Variants in ZC3H8 observed in about 807,000 individuals in gnomAD.
ZC3H8 encodes the protein zinc finger CCCH domain-containing protein 8.
ZC3H8 carries 27 observed loss-of-function variants against 42.5 expected under a neutral mutation model. The observed-to-expected ratio is 0.64, with a 90% CI of 0.47 to 0.88. The LOEUF (loss-of-function observed/expected upper bound fraction) is 0.88, where lower values mean the gene tolerates loss of function less well. Among genes scored for constraint, ZC3H8 ranks in the 40% least tolerant of loss-of-function variants. The pLI, the probability that ZC3H8 is intolerant of heterozygous loss-of-function variation, is 0.00. For synonymous variants in ZC3H8, 101 were observed against 110.1 expected (o/e 0.92, Z 0.52); for missense variants, 277 against 336.1 (o/e 0.82, Z 1.37).
chr2:112,224,459 G>A (rs1684730133), intron 8 of ZC3H8, among the ~76,000 whole-genome samples: 1 of 152,158 alleles, frequency 6.6e-6, no homozygotes, highest in Non-Finnish European at 1.5e-5. Flanking sequence ...TGTATTCAGT[G>A]GGGAAAATAT....
intron 2 of ZC3H8, among the ~76,000 whole-genome samples, chr2:112,241,969 A>C (rs1685602022): frequency 6.6e-6 from 1 of 152,168 alleles, no homozygotes; most frequent in South Asian, 2.1e-4. Flanking sequence ...GTGGACTGAG[A>C]ATTGTTACAC....
At chr2:112,227,181 C>T (rs1011865983) in intron 8 of ZC3H8, among the ~76,000 whole-genome samples, 16 of 152,214 alleles carry the variant, frequency 1.1e-4, no homozygotes, top group Non-Finnish European at 1.8e-4. Context: ...TAGAAGGTTT[C>T]AGCCAGTGAA....
At position 112,255,035 on chromosome 2, in the gene ZC3H8, G is replaced by GAA; in HGVS notation, c.-55_-54insTT. 6.5e-7 allele frequency: 1 copy of GAA among 1,540,498 alleles called. No individual in the cohort carries two copies. Among genetic ancestry groups the GAA allele is most frequent in the Admixed American group, 2.0e-5 (1 of 50,434 alleles). On this transcript the variant is annotated 5_prime_UTR_variant, in exon 1 of 9. Coordinates refer to ENST00000409573, the MANE Select transcript of ZC3H8 (RefSeq NM_032494.3). Reference sequence around the variant, plus strand: ...CCGGGAAGCTACAGAGTAACAACCCGAGAGAGTGACAACCCGGACGCGACG... The same window carrying GAA: ...CCGGGAAGCTACAGAGTAACAACCCGAAAGAGAGTGACAACCCGGACGCGACG...
chr2:112,253,698 T>C (rs1686032696), intron 1 of ZC3H8, among the ~76,000 whole-genome samples: 1 of 152,266 alleles, frequency 6.6e-6, no homozygotes, highest in South Asian at 2.1e-4. Flanking sequence ...TTTTGGGGAA[T>C]GGAGCTTGTG....
At chr2:112,233,905 G>A (rs1428080776) in intron 5 of ZC3H8, among the ~76,000 whole-genome samples, 2 of 152,016 alleles carry the variant, frequency 1.3e-5, no homozygotes, top group African/African-American at 4.8e-5. Flanking sequence ...AAAATTATCT[G>A]ACTCAGGTGA....
intron 8 of ZC3H8, among the ~76,000 whole-genome samples, chr2:112,218,563 A>G (rs542990292): frequency 1.3e-5 from 2 of 152,340 alleles, no homozygotes; most frequent in African/African-American, 4.8e-5. Flanking sequence ...CCCAAAAAGA[A>G]TAGAATACGG....
chr2:112,230,882 T>C, intron 8 of ZC3H8, 21 bp downstream of exon 8: 1 of 1,294,586 alleles, frequency 7.7e-7, no homozygotes, highest in Non-Finnish European at 1.0e-6. Context: ...AAAAAAGAAA[T>C]GTGGTAAATT....
At chr2:112,228,908 G>A (rs2104650635) in intron 8 of ZC3H8, among the ~76,000 whole-genome samples, 1 of 151,328 alleles carries the variant, frequency 6.6e-6, no homozygotes, top group East Asian at 1.9e-4. Context: ...TTTTAAAATG[G>A]GCAGAGATCT....
chr2:112,254,183 C>G (rs1467414074), intron 1 of ZC3H8: 10 of 982,494 alleles, frequency 1.0e-5, no homozygotes, highest in Non-Finnish European at 1.2e-5. Flanking sequence ...TCAATCACAA[C>G]TGGAAATATA....
At chr2:112,249,096 C>A (rs1573927091) in intron 2 of ZC3H8, among the ~76,000 whole-genome samples, 1 of 152,210 alleles carries the variant, frequency 6.6e-6, no homozygotes, top group Middle Eastern at 3.4e-3. Context: ...ATCCCAGCTA[C>A]TTGGGAGGCT....
rs536052955 is a variant in ZC3H8, at chr2:112,254,606, C to T, written c.74+302G>A. Among the ~76,000 whole-genome samples, 10 of 152,356 alleles carry T rather than the reference C, an allele frequency of 6.6e-5. No individual in the cohort carries two copies. The South Asian group carries it at 1.9e-3, about 28-fold the overall frequency. ...ACAGAGGCGGGCTCCTCACCCGCTGCTGTGCAGAGAAAGGGGCGCATCCCG... is the reference window on the plus strand; with the variant it reads ...ACAGAGGCGGGCTCCTCACCCGCTGTTGTGCAGAGAAAGGGGCGCATCCCG... On this transcript the variant is annotated intron_variant, in intron 1 of 8. Transcript: ENST00000409573.
chr2:112,233,103 A>G (rs1685162857), intron 6 of ZC3H8, among the ~76,000 whole-genome samples, 157 bp downstream of exon 6: 1 of 152,062 alleles, frequency 6.6e-6, no homozygotes, highest in Admixed American at 6.5e-5. Flanking sequence ...CTTGCTTATG[A>G]AAAAATCCAC....
intron 8 of ZC3H8, 55 bp downstream of exon 8, chr2:112,230,848 A>G (rs892568231): frequency 4.2e-6 from 5 of 1,188,472 alleles, no homozygotes; most frequent in Non-Finnish European, 5.5e-6. Context: ...TTGCATGCCA[A>G]CTTCTGGAGA....
Position 112,231,879 on chromosome 2 carries a change from G to A in ZC3H8, c.802C>T (p.His268Tyr), listed in dbSNP as rs748316181. ...CYQGEYCKFSHAPLTPETQEL... is the reference protein window; with the variant it reads ...CYQGEYCKFSYAPLTPETQEL... ...TGTGTTTCAGGAGTCAGTGGAGCAT[G>A]AGAAAACTTGCAGTATTCTCCCTGA... The change falls in exon 7 of 9, where the codon CAT becomes TAT. Residue 268 changes from histidine to tyrosine, a missense_variant. His to Tyr is a moderately conservative substitution (Grantham distance 83). Transcript: ENST00000409573. 6.3e-7 allele frequency: 1 copy of A among 1,592,894 alleles called. No individual in the cohort carries two copies. Among genetic ancestry groups the A allele is most frequent in the Admixed American group, 1.7e-5 (1 of 59,470 alleles).
intron 2 of ZC3H8, among the ~76,000 whole-genome samples, chr2:112,244,302 G>A (rs1352546677): frequency 6.6e-6 from 1 of 152,090 alleles, no homozygotes; most frequent in Non-Finnish European, 1.5e-5. Context: ...TATCAACAAT[G>A]AGGTAAATTC....
rs554439786 is a variant in ZC3H8 at position 112,231,700 on chromosome 2, T to C, written c.843+138A>G. 17 of 419,900 alleles carry C rather than the reference T, an allele frequency of 4.0e-5. No homozygotes were observed. In the South Asian group the frequency reaches 1.0e-3, roughly 26 times the overall value. The allele number at this position is 419,900 out of a possible 1,614,324, so 26.0% of individuals were successfully genotyped here. ...CAAATGAAAAATATTTAAACTGAAT[T>C]CTTAAGTTATTAGTCCTAATATATC... is the stretch of plus-strand genomic sequence containing the variant. On this transcript the variant is annotated intron_variant, in intron 7 of 8. Transcript: ENST00000409573.
chr2:112,244,019 GAA>G (rs1490935351), intron 2 of ZC3H8, among the ~76,000 whole-genome samples: 1 of 151,332 alleles, frequency 6.6e-6, no homozygotes, highest in South Asian at 2.1e-4. Flanking sequence ...GGGATATAAA[GAA>G]AAAAGATAAA....
chr2:112,251,205 G>A (rs1023448151), intron 1 of ZC3H8, among the ~76,000 whole-genome samples: 1 of 152,238 alleles, frequency 6.6e-6, no homozygotes, highest in African/African-American at 2.4e-5. Context: ...TGGGGAATGT[G>A]TCCCATCTCA....
intron 2 of ZC3H8, among the ~76,000 whole-genome samples, chr2:112,244,787 C>T (rs1269432692): frequency 2.6e-5 from 4 of 152,162 alleles, no homozygotes; most frequent in Non-Finnish European, 1.5e-5. Flanking sequence ...CGAACTTAAT[C>T]GATAAATGTT....
Sources: gnomAD v4.1 joint callset for allele counts (sites outside exome capture counted in the v4.1 genomes callset) on GRCh38, gnomAD v4.1.1 for gene constraint, MANE v1.5 for transcripts, NCBI Gene and HGNC (gene_info 2026-07-23, HGNC 2026-07-21) for gene names.